MYBPC1: variants seen among roughly 807,000 people sequenced by gnomAD.
MYBPC1 encodes myosin binding protein C1.
In MYBPC1, 52 loss-of-function variants were observed where a neutral mutation model predicts 147.1. That is an observed-to-expected ratio of 0.35 (90% CI 0.28 to 0.45). The LOEUF (loss-of-function observed/expected upper bound fraction) is 0.45. Among genes scored for constraint, MYBPC1 ranks in the 20% least tolerant of loss-of-function variants. The probability of loss-of-function intolerance (pLI) is 1.00; values close to 1 mark genes in which losing one functional copy is unlikely to be tolerated. For missense variants in MYBPC1, 1,228 were observed against 1,440.3 expected (o/e 0.85, Z 2.39); for synonymous variants, 477 against 475.9 (o/e 1.00, Z -0.03).
At chr12:101,630,648 A>G (rs953658381) in intron 6 of MYBPC1, among the ~76,000 whole-genome samples, 2 of 152,214 alleles carry the variant, frequency 1.3e-5, no homozygotes, top group Middle Eastern at 6.3e-3. Context: ...AAATATTCAA[A>G]TTCAAAAATA....
At chr12:101,666,809 C>T (rs373504302) in intron 22 of MYBPC1, 38 of 1,603,294 alleles carry the variant, frequency 2.4e-5, no homozygotes, top group Admixed American at 3.4e-5. Context: ...TAAAGTATTC[C>T]GTGAAGCTCT....
chr12:101,674,862 C>CAAAAAAAA lies in MYBPC1; in HGVS notation c.2810-415_2810-408dup, dbSNP rs62824364. Among the ~76,000 whole-genome samples, 21 of 59,834 alleles carry CAAAAAAAA rather than the reference C, an allele frequency of 3.5e-4. 1 individual carries two copies. The highest frequency in any genetic ancestry group is 1.5e-3 in the African/African-American group (18 of 12,136). The allele number at this position is 59,834 out of a possible 152,430, so 39.3% of individuals were successfully genotyped here. A position where few individuals can be genotyped will look rare whatever the true frequency, so the allele number is the denominator to read the frequency against. On this transcript the variant is annotated intron_variant, in intron 25 of 31. Transcript: ENST00000361466. ...GGGTGACAGACCATGACTCTGTCTC[C>CAAAAAAAA]AAAAAAAAAAAAAAAAAAAAAAGGA...
intron 1 of MYBPC1, among the ~76,000 whole-genome samples, chr12:101,609,615 G>A (rs1883540418): frequency 6.6e-6 from 1 of 152,140 alleles, no homozygotes; most frequent in Admixed American, 6.5e-5. Context: ...AGAATCTGCA[G>A]TTTGATCAGA....
At chr12:101,671,310 TACACACACAC>T (rs5800480) in intron 24 of MYBPC1, among the ~76,000 whole-genome samples, 70 of 105,444 alleles carry the variant, frequency 6.6e-4, no homozygotes, top group African/African-American at 1.8e-3. Context: ...GACACTCATA[TACACACACAC>T]ACACACACAC....
downstream of MYBPC1, among the ~76,000 whole-genome samples, chr12:101,689,087 T>C (rs1016752338): frequency 1.3e-5 from 2 of 152,094 alleles, no homozygotes; most frequent in Non-Finnish European, 2.9e-5. Context: ...ACTATAACAA[T>C]GCAGAAGCTG....
chr12:101,634,445 C>A, intron 8 of MYBPC1, 109 bp from the exon 9 acceptor site: 1 of 897,332 alleles, frequency 1.1e-6, no homozygotes, highest in Non-Finnish European at 1.8e-6. Flanking sequence ...AGCCTCCCCC[C>A]TTCACCTGAC....
At chr12:101,694,064 G>A in the MYBPC1 span, among the ~76,000 whole-genome samples, 218 of 152,252 alleles carry the variant, frequency 1.4e-3, 3 homozygotes, top group East Asian at 0.037. Flanking sequence ...TGACACCATC[G>A]AGCTGCCATG....
chr12:101,652,033 A>G (rs1445656511), intron 16 of MYBPC1, among the ~76,000 whole-genome samples: 1 of 152,210 alleles, frequency 6.6e-6, no homozygotes, highest in Non-Finnish European at 1.5e-5. Flanking sequence ...TAAGTGTCAC[A>G]ATGCCTTCCC....
chr12:101,601,142 G>C (rs187390992), intron 1 of MYBPC1, among the ~76,000 whole-genome samples: 4 of 152,290 alleles, frequency 2.6e-5, no homozygotes, highest in African/African-American at 9.6e-5. Flanking sequence ...GTTAAGGAAA[G>C]CCAAACTGTG....
Position 101,626,921 on chromosome 12 carries a change from T to C in MYBPC1, c.142+11T>C. Reference sequence around the variant, plus strand: ...GCGCCTTGCCTCCAGGTTGGGATAATTTCTACCCTTTTCCCTGCTTTTAAA... The same window carrying C: ...GCGCCTTGCCTCCAGGTTGGGATAACTTCTACCCTTTTCCCTGCTTTTAAA... On this transcript the variant is annotated intron_variant, in intron 4 of 31. Coordinates refer to ENST00000361466, the MANE Select transcript of MYBPC1 (RefSeq NM_002465.4). 1 of 1,601,592 alleles carries C rather than the reference T, an allele frequency of 6.2e-7. No homozygotes were observed. Among genetic ancestry groups the C allele is most frequent in the Non-Finnish European group, 8.6e-7 (1 of 1,168,600 alleles).
intron 5 of MYBPC1, 140 bp from the exon 6 acceptor site, chr12:101,629,294 C>T: frequency 1.4e-6 from 1 of 699,114 alleles, no homozygotes; most frequent in Non-Finnish European, 2.6e-6. Flanking sequence ...CTGCTGGGGG[C>T]AGAAAGAATG....
intron 28 of MYBPC1, among the ~76,000 whole-genome samples, chr12:101,679,577 T>C (rs1225338003): frequency 6.6e-6 from 1 of 152,186 alleles, no homozygotes; most frequent in Non-Finnish European, 1.5e-5. Flanking sequence ...TGATATCAAA[T>C]GCAGTTCAGA....
In MYBPC1 at chr12:101,648,092, T is replaced by G. The variant is rs754720391; in HGVS notation, c.1138T>G (p.Cys380Gly). 16 of 1,613,278 alleles carry G rather than the reference T, an allele frequency of 9.9e-6. No homozygotes were observed. In the East Asian group the frequency reaches 3.6e-4, roughly 36 times the overall value. Residue 380 changes from cysteine (C) to glycine (G), a missense_variant, in exon 14 of 32, where the codon TGT becomes GGT. Physicochemically the swap from Cys to Gly is radical, Grantham distance 159 (BLOSUM62 -3). Coordinates refer to ENST00000361466, the MANE Select transcript of MYBPC1 (RefSeq NM_002465.4). ...ACAGCTGGAAGATACAACTGCTTAT[T>G]GTGGGGAGAGAGTGGAATTAGAATG... ...TKQLEDTTAY[C>G]GERVELECEV... is the part of the protein sequence containing the mutation.
chr12:101,634,560 C>T lies in MYBPC1; in HGVS notation c.563C>T (p.Thr188Ile). The change falls in exon 9 of 32, where the codon ACT becomes ATT. Residue 188 changes from threonine (T) to isoleucine (I), a missense_variant. This residue lies in a region of MYBPC1 where 1,077 missense variants were observed against 1,314.2 expected (regional missense o/e 0.82). Coordinates refer to ENST00000361466, the MANE Select transcript of MYBPC1 (RefSeq NM_002465.4). Reference sequence around the variant, plus strand: ...GTTTTCTTTCCTTTCAAAGAATCTACTGGGACTACTCCAAACATTGACATC... The same window carrying T: ...GTTTTCTTTCCTTTCAAAGAATCTATTGGGACTACTCCAAACATTGACATC... ...CSFDLEVHES[T>I]GTTPNIDIRS... is the part of the protein sequence containing the mutation. 6.2e-7 allele frequency: 1 copy of T among 1,612,512 alleles called. No homozygotes were observed. Among genetic ancestry groups the T allele is most frequent in the South Asian group, 1.1e-5 (1 of 91,034 alleles).
intron 25 of MYBPC1, among the ~76,000 whole-genome samples, chr12:101,674,536 C>T (rs987053487): frequency 2.0e-5 from 3 of 152,022 alleles, no homozygotes; most frequent in African/African-American, 7.2e-5. Flanking sequence ...GGATAGACTC[C>T]TCTCACTTAA....
At chr12:101,661,303 T>C (rs747195629) in intron 20 of MYBPC1, 41 bp downstream of exon 20, 1 of 1,287,168 alleles carries the variant, frequency 7.8e-7, no homozygotes, top group Non-Finnish European at 1.1e-6. Flanking sequence ...GCCAGTACAG[T>C]TGTGTCCTCT....
chr12:101,666,945 C>T (rs1172338162), intron 22 of MYBPC1: 6 of 631,468 alleles, frequency 9.5e-6, no homozygotes, highest in Non-Finnish European at 1.6e-5. Flanking sequence ...ACACACACAT[C>T]CTTAGAGATG....
intron 18 of MYBPC1, among the ~76,000 whole-genome samples, chr12:101,653,790 G>A (rs981571062): frequency 6.6e-6 from 1 of 152,162 alleles, no homozygotes; most frequent in Non-Finnish European, 1.5e-5. Context: ...CATGGCTGGG[G>A]CAAAGTGAAT....
chr12:101,681,313 A>G (rs561661997), intron 29 of MYBPC1, among the ~76,000 whole-genome samples: 1 of 152,014 alleles, frequency 6.6e-6, no homozygotes, highest in East Asian at 1.9e-4. Context: ...ATGAGATAAT[A>G]GGTGACATGA....
Sources: allele counts gnomAD v4.1 joint callset (sites outside exome capture counted in the v4.1 genomes callset), GRCh38; gene constraint gnomAD v4.1.1; regional missense constraint gnomAD v4.1.1; transcripts MANE v1.5; gene names NCBI Gene and HGNC (gene_info 2026-07-23, HGNC 2026-07-21).